PJA2: variants seen among roughly 807,000 people sequenced by gnomAD.
PJA2 encodes the protein E3 ubiquitin-protein ligase Praja-2.
PJA2 carries 25 observed loss-of-function variants against 69.3 expected under a neutral mutation model. That is an observed-to-expected ratio of 0.36 (90% CI 0.26 to 0.50). The LOEUF (loss-of-function observed/expected upper bound fraction) is 0.50. PJA2 is among the 20% of genes least tolerant of loss of function. The pLI is 0.96. For missense variants in PJA2, 809 were observed against 830.2 expected (o/e 0.97, Z 0.31); for synonymous variants, 308 against 277.8 (o/e 1.11, Z -1.08).
intron 5 of PJA2, among the ~76,000 whole-genome samples, chr5:109,367,147 T>A (rs186482169): frequency 0.077 from 9,767 of 126,352 alleles, 492 homozygotes; most frequent in East Asian, 0.31. Flanking sequence ...AAAAAAAATA[T>A]ATATATATAT....
At position 109,405,923 on chromosome 5, in the gene PJA2, TAA is replaced by T. The variant is rs60748513; in HGVS notation, c.-88+3917_-88+3918del. Among the ~76,000 whole-genome samples, 33 of 146,226 alleles carry T rather than the reference TAA, an allele frequency of 2.3e-4. No homozygotes were observed. The East Asian group carries it at 4.2e-3, about 18-fold the overall frequency. ...AGCTCTTCTTTTAAAGTTAGGAAAA[TAA>T]AAAAAAAACAAGCTTCAGATTGCAG... On this transcript the variant is annotated intron_variant, in intron 1 of 9. Transcript: ENST00000361189.
intron 4 of PJA2, among the ~76,000 whole-genome samples, chr5:109,377,419 C>T (rs991796432): frequency 6.6e-6 from 1 of 151,998 alleles, no homozygotes; most frequent in Non-Finnish European, 1.5e-5. Flanking sequence ...AGCAACTGAA[C>T]AAAGAAATTC....
chr5:109,353,745 T>G lies in PJA2; in HGVS notation c.1764+2170A>C, dbSNP rs1762329127. 2.8e-5 allele frequency among the ~76,000 whole-genome samples: 3 copies of G among 108,162 alleles called. No homozygotes were observed. In the South Asian group the frequency reaches 7.3e-4, roughly 26 times the overall value. The allele number at this position is 108,162 out of a possible 152,430, so 71.0% of individuals were successfully genotyped here. A position where few individuals can be genotyped will look rare whatever the true frequency, so the allele number is the denominator to read the frequency against. ...AGATACCTATATCTAGATATCTAGATTAGATATCTATGATATCTAGAGATA... is the reference window on the plus strand; with the variant it reads ...AGATACCTATATCTAGATATCTAGAGTAGATATCTATGATATCTAGAGATA... On this transcript the variant is annotated intron_variant, in intron 7 of 9. Coordinates refer to ENST00000361189, the MANE Select transcript of PJA2 (RefSeq NM_014819.5).
At chr5:109,385,673 C>G (rs1176130147) in intron 1 of PJA2, among the ~76,000 whole-genome samples, 1 of 152,042 alleles carries the variant, frequency 6.6e-6, no homozygotes, top group Non-Finnish European at 1.5e-5. Context: ...GATGAGATCT[C>G]TAGGTGTACA....
At chr5:109,341,606 G>C (rs1369466030) in intron 9 of PJA2, among the ~76,000 whole-genome samples, 9 of 124,622 alleles carry the variant, frequency 7.2e-5, no homozygotes, top group African/African-American at 2.7e-4. Context: ...AGGTGGGGGG[G>C]TCAGCCCCCC....
intron 1 of PJA2, among the ~76,000 whole-genome samples, chr5:109,394,740 G>C (rs1747369499): frequency 6.6e-6 from 1 of 152,136 alleles, no homozygotes; most frequent in Non-Finnish European, 1.5e-5. Flanking sequence ...TAGGACATGA[G>C]ATCCTTCTTC....
intron 1 of PJA2, among the ~76,000 whole-genome samples, chr5:109,396,609 T>C (rs1455825653): frequency 1.3e-5 from 2 of 151,496 alleles, no homozygotes; most frequent in Admixed American, 6.6e-5. Context: ...GTATTTTTAG[T>C]AGAGACGGGG....
At chr5:109,373,881 T>C (rs1302264226) in intron 4 of PJA2, among the ~76,000 whole-genome samples, 1 of 152,130 alleles carries the variant, frequency 6.6e-6, no homozygotes, top group Non-Finnish European at 1.5e-5. Flanking sequence ...TAGGCAGAAA[T>C]AAGCTATGGA....
Position 109,381,828 on chromosome 5 carries a change from T to G in PJA2, c.32-125A>C, listed in dbSNP as rs1412864702. ...AAATCATATGCTTCTGAACATGAAG[T>G]GTACCTTACTAGTACTATAAAACAT... On this transcript the variant is annotated intron_variant, in intron 2 of 9. Transcript: ENST00000361189. The G allele has an allele frequency of 1.2e-5, 9 of 728,584 alleles. No homozygotes were observed. In the East Asian group the frequency reaches 2.4e-4, roughly 20 times the overall value. 45.1% of individuals were successfully genotyped at this position (728,584 alleles called of 1,614,324 possible).
intron 1 of PJA2, among the ~76,000 whole-genome samples, chr5:109,402,808 T>C (rs528501584): frequency 6.6e-6 from 1 of 151,936 alleles, no homozygotes; most frequent in Non-Finnish European, 1.5e-5. Context: ...GAAAGAGACA[T>C]GCAAAATCAC....
intron 7 of PJA2, 76 bp downstream of exon 7, chr5:109,355,839 G>C: frequency 2.0e-6 from 2 of 998,798 alleles, no homozygotes; most frequent in South Asian, 3.2e-5. Context: ...CTTAAGAGTA[G>C]TCTAAAAATC....
chr5:109,365,635 C>T (rs558086354), intron 5 of PJA2, among the ~76,000 whole-genome samples: 1 of 152,068 alleles, frequency 6.6e-6, no homozygotes, highest in African/African-American at 2.4e-5. Flanking sequence ...GAAGTTCAAC[C>T]AGAAATAGCT....
intron 1 of PJA2, among the ~76,000 whole-genome samples, chr5:109,390,170 A>G (rs1319388877): frequency 1.3e-4 from 19 of 151,986 alleles, no homozygotes; most frequent in Non-Finnish European, 2.7e-4. Flanking sequence ...TTATTGTTCT[A>G]CCAGTTACTT....
At chr5:109,392,755 C>T (rs145060146) in intron 1 of PJA2, among the ~76,000 whole-genome samples, 1 of 152,098 alleles carries the variant, frequency 6.6e-6, no homozygotes, top group African/African-American at 2.4e-5. Context: ...CATTACAGAG[C>T]TCTAGGGACA....
rs1204938243 is a variant in PJA2, at chr5:109,368,611, A to G, written c.1419T>C (p.Ser473=). ...TTTCTTCTTCAGGGCCACTGCTATCACTTTGTAGCTCAGGTTCATTCTCAT... is the reference window on the plus strand; with the variant it reads ...TTTCTTCTTCAGGGCCACTGCTATCGCTTTGTAGCTCAGGTTCATTCTCAT... ...GKDENEPELQ[S]DSSGPEEENQ... Residue 473 remains serine (S), a synonymous_variant, in exon 5 of 10, where the codon AGT becomes AGC. Coordinates refer to ENST00000361189, the MANE Select transcript of PJA2 (RefSeq NM_014819.5). The G allele has an allele frequency of 6.2e-7, 1 of 1,614,098 alleles. No homozygotes were observed. The highest frequency in any genetic ancestry group is 8.5e-7 in the Non-Finnish European group (1 of 1,180,000).
At chr5:109,355,757 T>C (rs1055835396) in intron 7 of PJA2, among the ~76,000 whole-genome samples, 158 bp downstream of exon 7, 1 of 152,234 alleles carries the variant, frequency 6.6e-6, no homozygotes, top group Non-Finnish European at 1.5e-5. Flanking sequence ...AAGTATAATT[T>C]GTATGCACAT....
At chr5:109,401,301 C>A (rs1582632131) in intron 1 of PJA2, among the ~76,000 whole-genome samples, 1 of 151,966 alleles carries the variant, frequency 6.6e-6, no homozygotes, top group African/African-American at 2.4e-5. Context: ...ACCGCTACCA[C>A]CACCAATGAC....
intron 3 of PJA2, among the ~76,000 whole-genome samples, chr5:109,380,837 G>A (rs1232483113): frequency 6.8e-6 from 1 of 147,812 alleles, no homozygotes; most frequent in Non-Finnish European, 1.5e-5. Context: ...CGCCAGGCAT[G>A]GTGACTCACA....
At chr5:109,380,092 T>C (rs1239903563) in intron 3 of PJA2, among the ~76,000 whole-genome samples, 2 of 135,524 alleles carry the variant, frequency 1.5e-5, no homozygotes, top group Non-Finnish European at 3.2e-5. Context: ...GGTTCTTTTT[T>C]TTTTTTTTTT....
Sources: gnomAD v4.1 joint callset for allele counts (sites outside exome capture counted in the v4.1 genomes callset) on GRCh38, gnomAD v4.1.1 for gene constraint, MANE v1.5 for transcripts, NCBI Gene and HGNC (gene_info 2026-07-23, HGNC 2026-07-21) for gene names.